STX8: variants seen among roughly 807,000 people sequenced by gnomAD.
The protein encoded by STX8 is syntaxin 8.
STX8 carries 23 observed loss-of-function variants against 37.5 expected under a neutral mutation model. The observed-to-expected ratio is 0.61, with a 90% CI of 0.44 to 0.87. STX8 has a LOEUF of 0.87. Ranked by LOEUF, STX8 falls within the 40% of genes least tolerant of loss-of-function variation. The pLI, the probability that STX8 is intolerant of heterozygous loss-of-function variation, is 0.00. For missense variants in STX8, 313 were observed against 284.7 expected, an observed-to-expected ratio of 1.10 and a Z score of -0.71; for synonymous variants, 115 against 99.1, an observed-to-expected ratio of 1.16 and a Z score of -0.95.
intron 6 of STX8, among the ~76,000 whole-genome samples, chr17:9,432,437 T>C (rs943284669): frequency 6.6e-6 from 1 of 152,044 alleles, no homozygotes; most frequent in African/African-American, 2.4e-5. Context: ...CATGGAAAAG[T>C]AGAATTTAAC....
chr17:9,530,246 G>A (rs1259618971), intron 4 of STX8, among the ~76,000 whole-genome samples: 2 of 151,370 alleles, frequency 1.3e-5, no homozygotes, highest in Admixed American at 6.6e-5. Flanking sequence ...GGGAGGTGGG[G>A]CTTGCAGTGA....
intron 7 of STX8, chr17:9,377,838 A>G (rs189940888): frequency 5.4e-4 from 83 of 152,314 alleles, no homozygotes; most frequent in African/African-American, 1.9e-3. Context: ...CCCAAAAACA[A>G]TTACTGTGAT....
intron 6 of STX8, among the ~76,000 whole-genome samples, chr17:9,460,764 T>C (rs575485848): frequency 2.0e-5 from 3 of 152,106 alleles, no homozygotes; most frequent in East Asian, 1.9e-4. Flanking sequence ...TATATGGTGG[T>C]TAAAAGAACA....
intron 6 of STX8, among the ~76,000 whole-genome samples, chr17:9,429,495 A>T (rs1294496775): frequency 2.1e-5 from 3 of 143,812 alleles, no homozygotes; most frequent in Non-Finnish European, 4.5e-5. Context: ...TGAGGTCAGG[A>T]GATCAAGACC....
At chr17:9,412,343 A>G (rs144485059) in intron 6 of STX8, among the ~76,000 whole-genome samples, 3,018 of 151,564 alleles carry the variant, frequency 0.02, 114 homozygotes, top group African/African-American at 0.068. Flanking sequence ...GCAATGGCAC[A>G]ATCTCAGCTC....
At chr17:9,341,109 T>G (rs1005534423) in intron 7 of STX8, among the ~76,000 whole-genome samples, 11 of 151,734 alleles carry the variant, frequency 7.2e-5, no homozygotes, top group Non-Finnish European at 4.4e-5. Flanking sequence ...AAGTATCATG[T>G]GGAAAGTCGA....
At chr17:9,511,872 G>A (rs1320334244) in intron 4 of STX8, among the ~76,000 whole-genome samples, 1 of 152,084 alleles carries the variant, frequency 6.6e-6, no homozygotes. Flanking sequence ...TCTCAGAACT[G>A]ATAAACAAAT....
At chr17:9,338,724 C>T (rs1315493046) in intron 7 of STX8, among the ~76,000 whole-genome samples, 1 of 152,102 alleles carries the variant, frequency 6.6e-6, no homozygotes, top group East Asian at 1.9e-4. Flanking sequence ...TTTCCAAGGC[C>T]CAAGACCCCC....
chr17:9,416,395 A>G (rs1766679173), intron 6 of STX8, among the ~76,000 whole-genome samples: 2 of 144,478 alleles, frequency 1.4e-5, no homozygotes, highest in Admixed American at 6.7e-5. Flanking sequence ...TTTAAGATGG[A>G]GTCTCGCTCT....
At chr17:9,455,653 A>T (rs1905166784) in intron 6 of STX8, among the ~76,000 whole-genome samples, 1 of 152,264 alleles carries the variant, frequency 6.6e-6, no homozygotes, top group South Asian at 2.1e-4. Flanking sequence ...AAGAATTTTT[A>T]AAAAACTGAA....
chr17:9,544,069 G>A (rs1021234855), intron 4 of STX8, among the ~76,000 whole-genome samples: 28 of 152,254 alleles, frequency 1.8e-4, no homozygotes, highest in African/African-American at 6.0e-4. Flanking sequence ...CCTGTCAGAG[G>A]TGGAGTCTGA....
At chr17:9,453,487 CTTTTTT>C (rs1168841037) in intron 6 of STX8, among the ~76,000 whole-genome samples, 10 of 112,232 alleles carry the variant, frequency 8.9e-5, no homozygotes, top group African/African-American at 2.2e-4. Context: ...CACTACTCAT[CTTTTTT>C]TTTTTTTTTT....
intron 7 of STX8, among the ~76,000 whole-genome samples, chr17:9,321,524 T>C (rs1909577608): frequency 6.6e-6 from 1 of 150,664 alleles, no homozygotes; most frequent in Non-Finnish European, 1.5e-5. Flanking sequence ...ATACTACTTA[T>C]TTATTTATTT....
chr17:9,262,127 T>C lies in STX8; in HGVS notation c.644-11482A>G, dbSNP rs548935856. Among the ~76,000 whole-genome samples the C allele has an allele frequency of 5.9e-5, 9 of 152,308 alleles. No homozygotes were observed. The East Asian group carries it at 1.7e-3, about 29-fold the overall frequency. ...CGCTGCTACCATAAGGCTTTGTCAA[T>C]ACACCAAATGCTTATCTCATTTGTT... On this transcript the variant is annotated intron_variant, in intron 7 of 7. Coordinates refer to ENST00000306357, the MANE Select transcript of STX8 (RefSeq NM_004853.3).
chr17:9,319,296 G>A (rs2142202023), intron 7 of STX8, among the ~76,000 whole-genome samples: 1 of 152,176 alleles, frequency 6.6e-6, no homozygotes, highest in East Asian at 1.9e-4. Context: ...GCGGGTGCCT[G>A]TAGTCCCAGC....
intron 6 of STX8, among the ~76,000 whole-genome samples, chr17:9,470,649 A>G (rs1469052682): frequency 6.6e-6 from 1 of 152,224 alleles, no homozygotes; most frequent in Non-Finnish European, 1.5e-5. Flanking sequence ...CCAAACAGGA[A>G]AAGTAACATG....
Position 9,309,627 on chromosome 17 carries a change from C to CAATA in STX8, c.644-58986_644-58983dup, listed in dbSNP as rs528429200. Reference sequence around the variant, plus strand: ...TACAATGAAGAACCTCCTTTAGAAGCAATAAATACTCCCACTCCGCTGAAT... The same window carrying CAATA: ...TACAATGAAGAACCTCCTTTAGAAGCAATAAATAAATACTCCCACTCCGCTGAAT... On this transcript the variant is annotated intron_variant, in intron 7 of 7. Transcript: ENST00000306357. 2.3e-4 allele frequency among the ~76,000 whole-genome samples: 35 copies of CAATA among 152,230 alleles called. No homozygotes were observed. The East Asian group carries it at 5.8e-3, about 25-fold the overall frequency.
At chr17:9,368,437 T>C in intron 7 of STX8, among the ~76,000 whole-genome samples, 1 of 151,982 alleles carries the variant, frequency 6.6e-6, no homozygotes, top group East Asian at 1.9e-4. Flanking sequence ...CCAGGAAGCA[T>C]AGCTTGCACT....
intron 7 of STX8, among the ~76,000 whole-genome samples, chr17:9,320,688 T>C (rs1260754171): frequency 2.0e-5 from 3 of 148,924 alleles, no homozygotes; most frequent in Non-Finnish European, 3.0e-5. Flanking sequence ...AGATCAGGAG[T>C]TCAAGACTAG....
Sources: allele counts gnomAD v4.1 joint callset (sites outside exome capture counted in the v4.1 genomes callset), GRCh38; gene constraint gnomAD v4.1.1; transcripts MANE v1.5; gene names NCBI Gene and HGNC (gene_info 2026-07-23, HGNC 2026-07-21).